TGFA: variants seen among roughly 807,000 people sequenced by gnomAD.
TGFA encodes the protein protransforming growth factor alpha.
TGFA carries 12 observed loss-of-function variants against 21.7 expected under a neutral mutation model. The ratio of observed to expected loss-of-function variants is 0.55; its 90% CI spans 0.35 to 0.90. The LOEUF is 0.90. Among genes scored for constraint, TGFA ranks in the 40% least tolerant of loss-of-function variants. The pLI is 0.01. For missense variants in TGFA, 178 were observed against 210.8 expected (o/e 0.84, Z 0.96); for synonymous variants, 79 against 88.1 (o/e 0.90, Z 0.58).
intron 1 of TGFA, among the ~76,000 whole-genome samples, chr2:70,534,417 A>G (rs1450322242): frequency 6.6e-6 from 1 of 152,132 alleles, no homozygotes; most frequent in African/African-American, 2.4e-5. Flanking sequence ...GATGAGGAGG[A>G]GGTGAAGCCA....
At chr2:70,522,856 T>C (rs555420046) in intron 1 of TGFA, among the ~76,000 whole-genome samples, 1 of 152,340 alleles carries the variant, frequency 6.6e-6, no homozygotes, top group South Asian at 2.1e-4. Flanking sequence ...GAGCACCTGC[T>C]GCACCATTAG....
At chr2:70,534,289 G>A (rs150399240) in intron 1 of TGFA, among the ~76,000 whole-genome samples, 44 of 152,326 alleles carry the variant, frequency 2.9e-4, no homozygotes, top group Non-Finnish European at 5.1e-4. Flanking sequence ...CTGTGCTCTC[G>A]CAGGTTCTAT....
At chr2:70,469,492 C>T (rs1473767721) in intron 2 of TGFA, among the ~76,000 whole-genome samples, 1 of 152,116 alleles carries the variant, frequency 6.6e-6, no homozygotes, top group African/African-American at 2.4e-5. Context: ...CATTCCACTG[C>T]ACCCAGCTAA....
At chr2:70,471,416 A>G (rs1670745791) in intron 2 of TGFA, among the ~76,000 whole-genome samples, 1 of 151,768 alleles carries the variant, frequency 6.6e-6, no homozygotes, top group Admixed American at 6.5e-5. Flanking sequence ...AGCCAGCTCC[A>G]GGAGGGGCAG....
chr2:70,532,959 T>C (rs575940609), intron 1 of TGFA, among the ~76,000 whole-genome samples: 1 of 151,842 alleles, frequency 6.6e-6, no homozygotes, highest in African/African-American at 2.4e-5. Context: ...CTCCCTGGGC[T>C]CAGGTGACTC....
intron 2 of TGFA, among the ~76,000 whole-genome samples, chr2:70,481,128 G>A (rs1174064165): frequency 2.0e-5 from 3 of 152,224 alleles, no homozygotes; most frequent in Admixed American, 2.0e-4. Context: ...GAAGCCCTAA[G>A]GGTCTCATTT....
chr2:70,541,669 G>A (rs145176823), intron 1 of TGFA, among the ~76,000 whole-genome samples: 4 of 152,236 alleles, frequency 2.6e-5, no homozygotes, highest in African/African-American at 9.6e-5. Flanking sequence ...CCAGCACAGG[G>A]GTGTGCTTGT....
chr2:70,553,701 A>T, intron 1 of TGFA, 27 bp downstream of exon 1: 1 of 1,328,596 alleles, frequency 7.5e-7, no homozygotes, highest in Non-Finnish European at 9.6e-7. Context: ...CGCGCGGCGC[A>T]GGGGGCGCCG....
chr2:70,519,879 A>G (rs76982249), intron 1 of TGFA, among the ~76,000 whole-genome samples: 8,389 of 152,338 alleles, frequency 0.055, 778 homozygotes, highest in African/African-American at 0.19. Flanking sequence ...AGCCTGTCAC[A>G]GCACAGCAGA....
At chr2:70,492,577 G>A (rs1397841411) in intron 2 of TGFA, among the ~76,000 whole-genome samples, 2 of 152,212 alleles carry the variant, frequency 1.3e-5, no homozygotes, top group East Asian at 1.9e-4. Flanking sequence ...ATTCCAGAGC[G>A]CCACGACTGT....
chr2:70,464,312 A>G (rs1316193727), intron 3 of TGFA, among the ~76,000 whole-genome samples: 1 of 152,220 alleles, frequency 6.6e-6, no homozygotes, highest in Non-Finnish European at 1.5e-5. Flanking sequence ...GAGTTAGCAC[A>G]CGGATTGTAC....
At chr2:70,533,730 G>C (rs1018604728) in intron 1 of TGFA, among the ~76,000 whole-genome samples, 6 of 152,152 alleles carry the variant, frequency 3.9e-5, no homozygotes, top group Non-Finnish European at 7.3e-5. Context: ...AGGAGAAGGG[G>C]TGGGCCCTGC....
chr2:70,498,463 C>T (rs3771493), intron 2 of TGFA, among the ~76,000 whole-genome samples: 42,717 of 151,954 alleles, frequency 0.28, 7,011 homozygotes, highest in East Asian at 0.4. Flanking sequence ...GTAAGGGCAA[C>T]GGGGCTTGGG....
In TGFA at chr2:70,449,092, G is replaced by T. The variant is rs933686921; in HGVS notation, c.*1767C>A. ...AGCTGTGTCAACTACGTTGCTAGGG[G>T]GTCAGCTCTGAACAGATCCAAGTGC... On this transcript the variant is annotated 3_prime_UTR_variant, in exon 6 of 6. Coordinates refer to ENST00000295400, the MANE Select transcript of TGFA (RefSeq NM_003236.4). The T allele has an allele frequency of 6.6e-6, 1 of 152,098 alleles. No individual in the cohort carries two copies. The highest frequency in any genetic ancestry group is 1.5e-5 in the Non-Finnish European group (1 of 68,028). 9.4% of individuals were successfully genotyped at this position (152,098 alleles called of 1,614,324 possible).
intron 1 of TGFA, among the ~76,000 whole-genome samples, chr2:70,529,453 G>T (rs572116313): frequency 2.2e-4 from 34 of 152,294 alleles, no homozygotes; most frequent in African/African-American, 7.2e-4. Flanking sequence ...TTTCATCACG[G>T]ATGCGTGTAA....
intron 1 of TGFA, among the ~76,000 whole-genome samples, chr2:70,533,359 G>T (rs13034560): frequency 0.11 from 17,345 of 151,406 alleles, 1,318 homozygotes; most frequent in African/African-American, 0.21. Flanking sequence ...ATGTTACAAC[G>T]GAAGCACATC....
rs1283195109 is a variant in TGFA at position 70,447,739 on chromosome 2, A to G, written c.*3120T>C. ...TATGTTAGAACATTTAAAAATATAC[A>G]TGTTTGTCTTACTTCTGCAATGTGT... On this transcript the variant is annotated 3_prime_UTR_variant, in exon 6 of 6. Coordinates refer to ENST00000295400, the MANE Select transcript of TGFA (RefSeq NM_003236.4). 2.6e-5 allele frequency: 4 copies of G among 152,158 alleles called. No individual in the cohort carries two copies. The East Asian group carries it at 7.7e-4, about 29-fold the overall frequency. The allele number at this position is 152,158 out of a possible 1,614,324, so 9.4% of individuals were successfully genotyped here.
chr2:70,504,447 T>TATATATATATACATAC (rs1671842731), intron 2 of TGFA, among the ~76,000 whole-genome samples: 2 of 82,096 alleles, frequency 2.4e-5, no homozygotes, highest in Non-Finnish European at 5.2e-5. Context: ...TATATATATA[T>TATATATATATACATAC]ATATATATAT....
At chr2:70,545,129 C>T (rs965313013) in intron 1 of TGFA, among the ~76,000 whole-genome samples, 12 of 151,756 alleles carry the variant, frequency 7.9e-5, no homozygotes, top group Admixed American at 7.2e-4. Context: ...CTCAGGTACC[C>T]TATAAATATA....
Sources: gnomAD v4.1 joint callset for allele counts (sites outside exome capture counted in the v4.1 genomes callset) on GRCh38, gnomAD v4.1.1 for gene constraint, MANE v1.5 for transcripts, NCBI Gene and HGNC (gene_info 2026-07-23, HGNC 2026-07-21) for gene names.